SCARA3: variants seen among roughly 807,000 people sequenced by gnomAD.
SCARA3 encodes the protein cellular stress response gene protein.
Under a neutral mutation model 47.0 loss-of-function variants are expected in SCARA3, and 39 were observed. The ratio of observed to expected loss-of-function variants is 0.83; its 90% CI spans 0.64 to 1.08. The LOEUF is 1.08. Ranked by LOEUF, SCARA3 falls within the 50% of genes least tolerant of loss-of-function variation. The pLI is 0.00. For synonymous variants in SCARA3, 356 were observed against 334.1 expected (o/e 1.07, Z -0.71); for missense variants, 724 against 792.3 (o/e 0.91, Z 1.04).
At position 27,672,509 on chromosome 8, in the gene SCARA3, C is replaced by T; in HGVS notation, c.*1158C>T. 1 of 985,764 alleles carries T rather than the reference C, an allele frequency of 1.0e-6. No individual in the cohort carries two copies. Among genetic ancestry groups the T allele is most frequent in the Non-Finnish European group, 1.2e-6 (1 of 830,188 alleles). 61.1% of individuals were successfully genotyped at this position (985,764 alleles called of 1,614,324 possible). A position where few individuals can be genotyped will look rare whatever the true frequency, so the allele number is the denominator to read the frequency against. On this transcript the variant is annotated 3_prime_UTR_variant, in exon 6 of 6. Transcript: ENST00000301904. ...GCCAACCCCTTGCAACAGGGCAGCT[C>T]TCGCCTCCCGCACACGGCTCTCCTG...
At chr8:27,706,830 C>T in the SCARA3 span, among the ~76,000 whole-genome samples, 1 of 151,914 alleles carries the variant, frequency 6.6e-6, no homozygotes, top group African/African-American at 2.4e-5. Flanking sequence ...GGAGTGATAC[C>T]TATGAGAAAA....
intron 1 of SCARA3, among the ~76,000 whole-genome samples, chr8:27,644,056 G>T (rs1341077855): frequency 1.3e-5 from 2 of 152,134 alleles, no homozygotes; most frequent in Non-Finnish European, 2.9e-5. Context: ...TTGCTACGTG[G>T]CTCTGTGAGA....
chr8:27,697,978 G>A, the SCARA3 span, among the ~76,000 whole-genome samples: 44 of 152,054 alleles, frequency 2.9e-4, no homozygotes, highest in East Asian at 5.8e-4. Context: ...TCAATCCCAC[G>A]TCACCTCTGC....
chr8:27,681,115 C>G (rs1036315907), downstream of SCARA3, among the ~76,000 whole-genome samples: 1 of 151,990 alleles, frequency 6.6e-6, no homozygotes, highest in African/African-American at 2.4e-5. Context: ...CAACTTACAG[C>G]CAACATTGTA....
chr8:27,637,977 A>G (rs1340708964), intron 1 of SCARA3, among the ~76,000 whole-genome samples: 1 of 152,058 alleles, frequency 6.6e-6, no homozygotes, highest in Non-Finnish European at 1.5e-5. Flanking sequence ...GAGCCACCAG[A>G]CAGCCTAACT....
the SCARA3 span, among the ~76,000 whole-genome samples, chr8:27,698,409 G>A: frequency 1.3e-5 from 2 of 152,170 alleles, no homozygotes; most frequent in Admixed American, 6.5e-5. Context: ...ACCAGGGATA[G>A]CTAATTGCAA....
At chr8:27,710,686 G>A in the SCARA3 span, among the ~76,000 whole-genome samples, 334 of 152,204 alleles carry the variant, frequency 2.2e-3, 1 homozygote, top group African/African-American at 7.9e-3. Flanking sequence ...TTTACTTGAT[G>A]TCTCTCAAGT....
rs750034364 is a variant in SCARA3, at chr8:27,658,848, C to T, written c.678C>T (p.Thr226=). 2.5e-5 allele frequency: 41 copies of T among 1,614,042 alleles called. No individual in the cohort carries two copies. The South Asian group carries it at 2.6e-4, about 10-fold the overall frequency. The change falls in exon 5 of 6, where the codon ACC becomes ACT. Residue 226 remains threonine, a synonymous_variant. Transcript: ENST00000301904. The part of the protein sequence containing the change: ...VKAAVHQINF[T]VGQTSEWIHG... ...CTGCAGTGCACCAGATCAACTTCAC[C>T]GTGGGGCAGACTTCCGAGTGGATCC...
chr8:27,708,127 G>T, the SCARA3 span, among the ~76,000 whole-genome samples: 1 of 152,166 alleles, frequency 6.6e-6, no homozygotes, highest in Admixed American at 6.5e-5. Context: ...AGTCTTAGAG[G>T]ACCCTTTGCA....
rs61162841 is a variant in SCARA3, at chr8:27,668,546, CA to C, written c.1370-2338del. ...TGGGCGACAGAGCGAGACTCCGTCT[CA>C]AAAAAAAAAAAAAAAGAAATCACAG... is the stretch of plus-strand genomic sequence containing the variant. On this transcript the variant is annotated intron_variant, in intron 5 of 5. Transcript: ENST00000301904. 3.1e-3 allele frequency among the ~76,000 whole-genome samples: 214 copies of C among 69,840 alleles called. 1 individual carries two copies. The highest frequency in any genetic ancestry group is 8.9e-3 in the Middle Eastern group (1 of 112). 45.8% of individuals were successfully genotyped at this position (69,840 alleles called of 152,430 possible). A position where few individuals can be genotyped will look rare whatever the true frequency, so the allele number is the denominator to read the frequency against.
intron 3 of SCARA3, among the ~76,000 whole-genome samples, chr8:27,654,800 AAAG>A (rs202013877): frequency 0.19 from 23,636 of 121,402 alleles, 1,722 homozygotes; most frequent in South Asian, 0.34. Flanking sequence ...AAAAAAAAAA[AAAG>A]AAAAAGAAAA....
At position 27,671,318 on chromosome 8, in the gene SCARA3, T is replaced by C; in HGVS notation, c.1788T>C (p.Pro596=). 1 of 1,426,820 alleles carries C rather than the reference T, an allele frequency of 7.0e-7. No homozygotes were observed. The highest frequency in any genetic ancestry group is 9.2e-7 in the Non-Finnish European group (1 of 1,090,054). The allele number at this position is 1,426,820 out of a possible 1,614,324, so 88.4% of individuals were successfully genotyped here. ...GIQGPPGLPG[P]PGPPGSQSFY ...AGGGTCCCCCTGGTCTCCCGGGGCC[T>C]CCAGGTCCACCAGGAAGCCAGAGCT... The change falls in exon 6 of 6, where the codon CCT becomes CCC. Residue 596 remains proline (P), a synonymous_variant. Transcript: ENST00000301904.
At chr8:27,714,255 G>A in the SCARA3 span, among the ~76,000 whole-genome samples, 1 of 147,700 alleles carries the variant, frequency 6.8e-6, no homozygotes, top group Admixed American at 6.7e-5. Flanking sequence ...GGGTGCAGTG[G>A]CGCAATCTTA....
the SCARA3 span, among the ~76,000 whole-genome samples, chr8:27,715,210 G>A: frequency 1.3e-5 from 2 of 152,266 alleles, no homozygotes; most frequent in East Asian, 3.9e-4. This position sits in a 1 kb window ranked among gnomAD's most constrained non-coding sequence, Gnocchi z 4.2. Flanking sequence ...ACAGGCATCA[G>A]CCACCCTGCC....
the SCARA3 span, among the ~76,000 whole-genome samples, chr8:27,694,647 G>A: frequency 6.6e-6 from 1 of 152,164 alleles, no homozygotes; most frequent in Non-Finnish European, 1.5e-5. Context: ...GTGTATGGGA[G>A]TAAGAAGTAC....
intron 3 of SCARA3, among the ~76,000 whole-genome samples, chr8:27,654,149 G>T (rs1322425325): frequency 2.0e-5 from 3 of 152,174 alleles, no homozygotes; most frequent in African/African-American, 7.2e-5. Context: ...GGGTGAAAGA[G>T]ATGGATGAAT....
the SCARA3 span, among the ~76,000 whole-genome samples, chr8:27,721,333 A>G: frequency 1.3e-5 from 2 of 152,206 alleles, no homozygotes; most frequent in Non-Finnish European, 2.9e-5. Context: ...TTGAGTACCT[A>G]CTATGAACCG....
chr8:27,716,141 A>G, the SCARA3 span, among the ~76,000 whole-genome samples: 1 of 152,032 alleles, frequency 6.6e-6, no homozygotes, highest in Non-Finnish European at 1.5e-5. Context: ...CCCAGTGTCT[A>G]CAAGAAAAAA....
At chr8:27,715,712 A>T in the SCARA3 span, among the ~76,000 whole-genome samples, 1 of 152,164 alleles carries the variant, frequency 6.6e-6, no homozygotes, top group Non-Finnish European at 1.5e-5. The surrounding 1 kb of genome is among the most constrained non-coding windows in gnomAD (Gnocchi z 4.2). Flanking sequence ...GCAGACAGAA[A>T]GGTAGAGACA....
Sources: gnomAD v4.1 joint callset for allele counts (sites outside exome capture counted in the v4.1 genomes callset) on GRCh38, gnomAD v4.1.1 for gene constraint, Gnocchi (gnomAD v3.1) non-coding constraint, MANE v1.5 for transcripts, NCBI Gene and HGNC (gene_info 2026-07-23, HGNC 2026-07-21) for gene names.